FILIP1L: variants seen among roughly 807,000 people sequenced by gnomAD.
The protein encoded by FILIP1L is filamin A interacting protein 1 like.
In FILIP1L, 55 loss-of-function variants were observed where a neutral mutation model predicts 96.6. The observed-to-expected ratio is 0.57, with a 90% confidence interval of 0.46 to 0.71. The LOEUF is 0.71. FILIP1L is among the 30% of genes least tolerant of loss of function. The pLI is 0.00. For missense variants in FILIP1L, 1,304 were observed against 1,321.2 expected (o/e 0.99, Z 0.20); for synonymous variants, 467 against 473.9 (o/e 0.99, Z 0.19).
At chr3:99,909,899 T>G (rs1358285342) in intron 4 of FILIP1L, among the ~76,000 whole-genome samples, 1 of 152,188 alleles carries the variant, frequency 6.6e-6, no homozygotes, top group East Asian at 1.9e-4. Flanking sequence ...GAACCCTTCA[T>G]ATTCAGAGTT....
intron 4 of FILIP1L, among the ~76,000 whole-genome samples, chr3:99,892,720 TC>T (rs1706123486): frequency 6.6e-6 from 1 of 152,130 alleles, no homozygotes; most frequent in South Asian, 2.1e-4. Flanking sequence ...AATTCCTTAC[TC>T]CATCTCACCC....
At chr3:99,848,208 G>A (rs964509741) in intron 5 of FILIP1L, 87 bp downstream of exon 5, 154 of 1,569,354 alleles carry the variant, frequency 9.8e-5, no homozygotes, top group Non-Finnish European at 1.2e-4. Flanking sequence ...GATATGGAGG[G>A]ATGATTAAAA....
chr3:99,893,786 G>T (rs1706166330), intron 4 of FILIP1L, among the ~76,000 whole-genome samples: 2 of 152,098 alleles, frequency 1.3e-5, no homozygotes, highest in African/African-American at 4.8e-5. Context: ...ATTTTTGTTT[G>T]CCAGCATCCC....
rs150844736 is a variant in FILIP1L at position 100,019,728 on chromosome 3, C to T, written c.-10-88698G>A. On this transcript the variant is annotated intron_variant, in intron 1 of 5. Transcript: ENST00000477258. ...TATGCTGATGTATGTTTGTGTAAGA[C>T]TGCGATTCACATTCTACAGAACTAT... Among the ~76,000 whole-genome samples the T allele has an allele frequency of 7.8e-4, 119 of 152,226 alleles. 3 individuals carry two copies. The East Asian group carries it at 0.02, about 26-fold the overall frequency.
At chr3:99,887,282 T>G (rs1576548845) in intron 4 of FILIP1L, among the ~76,000 whole-genome samples, 2 of 151,250 alleles carry the variant, frequency 1.3e-5, no homozygotes, top group South Asian at 4.2e-4. Context: ...AAAAAAAAAG[T>G]ATCAGGCTTA....
At chr3:99,891,537 A>T (rs901540661) in intron 4 of FILIP1L, among the ~76,000 whole-genome samples, 2 of 151,494 alleles carry the variant, frequency 1.3e-5, no homozygotes, top group Admixed American at 1.3e-4. Context: ...TATATATTTT[A>T]TTTTGCTTTT....
chr3:99,866,050 A>G (rs1364759479), intron 4 of FILIP1L, among the ~76,000 whole-genome samples: 3 of 151,192 alleles, frequency 2.0e-5, no homozygotes, highest in South Asian at 2.1e-4. Flanking sequence ...CTTAACCTCT[A>G]CTCTTCGTTG....
intron 1 of FILIP1L, chr3:100,025,521 G>A (rs749672483): frequency 6.6e-6 from 1 of 152,102 alleles, no homozygotes; most frequent in Admixed American, 6.6e-5. Context: ...GGATGAATAC[G>A]AAGGAACGGG....
At chr3:99,874,026 G>A (rs1705379015) in intron 4 of FILIP1L, among the ~76,000 whole-genome samples, 1 of 152,158 alleles carries the variant, frequency 6.6e-6, no homozygotes, top group Non-Finnish European at 1.5e-5. Context: ...TGTGAGATAG[G>A]GTATCCATGA....
intron 1 of FILIP1L, among the ~76,000 whole-genome samples, chr3:99,986,879 A>G (rs1709357239): frequency 1.3e-5 from 2 of 152,238 alleles, no homozygotes; most frequent in Admixed American, 1.3e-4. Flanking sequence ...TATAGTGCCA[A>G]GGTGGAGAAA....
chr3:99,998,632 G>A (rs534507012), intron 1 of FILIP1L, among the ~76,000 whole-genome samples: 93 of 152,164 alleles, frequency 6.1e-4, no homozygotes, highest in Non-Finnish European at 1.0e-3. Context: ...GTGCGATCTC[G>A]GCTCACTGCA....
chr3:100,012,275 A>T (rs1710179548), intron 1 of FILIP1L, among the ~76,000 whole-genome samples: 1 of 152,142 alleles, frequency 6.6e-6, no homozygotes, highest in Non-Finnish European at 1.5e-5. Context: ...TACTTTGTCA[A>T]CCAATTAGAA....
intron 1 of FILIP1L, among the ~76,000 whole-genome samples, chr3:99,951,471 A>G (rs748770113): frequency 3.9e-5 from 6 of 152,208 alleles, no homozygotes; most frequent in East Asian, 1.9e-4. Context: ...AAGTCATCAA[A>G]TGATGAGATT....
chr3:99,851,071 C>CCT lies in FILIP1L; in HGVS notation c.606-2_606-1insAG, dbSNP rs1428455295. The CCT allele has an allele frequency of 6.4e-7, 1 of 1,572,126 alleles. No individual in the cohort carries two copies. Among genetic ancestry groups the CCT allele is most frequent in the Non-Finnish European group, 8.6e-7 (1 of 1,166,250 alleles). The stretch of plus-strand genomic sequence containing the variant: ...TTCTTGATCAATTAGCTTCTTTAAT[C>CCT]TGAAAAATGTAAAGTGCATTTTATT... On this transcript the variant is annotated splice_acceptor_variant, in intron 4 of 5. Transcript: ENST00000477258. LOFTEE classifies it high-confidence loss of function.
At chr3:99,917,248 C>T (rs1282361394) in intron 4 of FILIP1L, among the ~76,000 whole-genome samples, 1 of 152,156 alleles carries the variant, frequency 6.6e-6, no homozygotes, top group Non-Finnish European at 1.5e-5. Context: ...CACAGTGTTG[C>T]AACAGTGGTG....
At chr3:99,933,658 A>G (rs1707563038) in intron 1 of FILIP1L, among the ~76,000 whole-genome samples, 1 of 152,206 alleles carries the variant, frequency 6.6e-6, no homozygotes, top group Admixed American at 6.5e-5. Context: ...ACATAAATAT[A>G]TTTAATATAG....
At chr3:100,093,277 C>G (rs566548120) in intron 1 of FILIP1L, among the ~76,000 whole-genome samples, 7 of 152,022 alleles carry the variant, frequency 4.6e-5, no homozygotes, top group Non-Finnish European at 1.0e-4. Flanking sequence ...TCTTCTGTAA[C>G]TTTTTAGTTA....
intron 1 of FILIP1L, among the ~76,000 whole-genome samples, chr3:100,014,898 T>TC (rs34248769): frequency 0.068 from 7,419 of 109,744 alleles, 327 homozygotes; most frequent in Non-Finnish European, 0.1. Context: ...TTTCTTTCTT[T>TC]TTTTTTTTTT....
At chr3:100,108,755 C>T (rs1232731716) in intron 1 of FILIP1L, among the ~76,000 whole-genome samples, 2 of 152,040 alleles carry the variant, frequency 1.3e-5, no homozygotes, top group Non-Finnish European at 2.9e-5. Context: ...AAATGTATGC[C>T]CCTTCCAAAC....
Sources: gnomAD v4.1 joint callset for allele counts (sites outside exome capture counted in the v4.1 genomes callset) on GRCh38, gnomAD v4.1.1 for gene constraint, MANE v1.5 for transcripts, NCBI Gene and HGNC (gene_info 2026-07-23, HGNC 2026-07-21) for gene names.